ADAMTS18: variants seen among roughly 807,000 people sequenced by gnomAD.
ADAMTS18 encodes A disintegrin and metalloproteinase with thrombospondin motifs 18.
In ADAMTS18, 157 loss-of-function variants were observed where a neutral mutation model predicts 165.9. The ratio of observed to expected loss-of-function variants is 0.95; its 90% CI spans 0.83 to 1.08. ADAMTS18 has a LOEUF of 1.08. ADAMTS18 is among the 50% of genes least tolerant of loss of function. The pLI is 0.00. For synonymous variants in ADAMTS18, 782 were observed against 578.2 expected (o/e 1.35, Z -5.06); for missense variants, 2,040 against 1,534.0 (o/e 1.33, Z -5.51).
intron 16 of ADAMTS18, among the ~76,000 whole-genome samples, chr16:77,301,382 A>T (rs532496601): frequency 1.3e-5 from 2 of 152,208 alleles, no homozygotes; most frequent in Admixed American, 6.5e-5. Flanking sequence ...ACACAATGCA[A>T]TGTATCACCT....
rs150931144 is a variant in ADAMTS18, at chr16:77,285,436, G to A, written c.3551-1365C>T. ...GATCCGTCTGCCTCAGCCTCCCAAA[G>A]TGCTGGAATTACAGGTGTGAGGCAC... On this transcript the variant is annotated intron_variant, in intron 22 of 22. Transcript: ENST00000282849. Among the ~76,000 whole-genome samples the A allele has an allele frequency of 6.1e-3, 914 of 150,850 alleles. 6 individuals are homozygous for A. Among genetic ancestry groups the A allele is most frequent in the African/African-American group, 0.022 (882 of 40,302 alleles).
chr16:77,331,814 T>C (rs952854373), intron 12 of ADAMTS18, among the ~76,000 whole-genome samples: 2 of 152,190 alleles, frequency 1.3e-5, no homozygotes, highest in Non-Finnish European at 2.9e-5. Flanking sequence ...AGCTCTATTT[T>C]AGCCTGCGAT....
intron 3 of ADAMTS18, among the ~76,000 whole-genome samples, chr16:77,415,215 G>A (rs1250887942): frequency 6.6e-6 from 1 of 152,236 alleles, no homozygotes; most frequent in Non-Finnish European, 1.5e-5. Flanking sequence ...TATGCTCAAT[G>A]CGCTTATTGC....
chr16:77,404,334 T>C (rs1187030083), intron 3 of ADAMTS18, among the ~76,000 whole-genome samples: 1 of 152,142 alleles, frequency 6.6e-6, no homozygotes, highest in Non-Finnish European at 1.5e-5. Context: ...AGGATACCTT[T>C]TCAGGGTCAC....
chr16:77,328,307 A>G (rs1225211181), intron 12 of ADAMTS18, among the ~76,000 whole-genome samples: 1 of 152,134 alleles, frequency 6.6e-6, no homozygotes, highest in Non-Finnish European at 1.5e-5. Flanking sequence ...CTGAAGGCCA[A>G]AACTCAACTA....
intron 10 of ADAMTS18, among the ~76,000 whole-genome samples, chr16:77,348,153 C>T (rs2056504696): frequency 1.3e-5 from 2 of 152,212 alleles, no homozygotes; most frequent in South Asian, 4.1e-4. Context: ...ACTAATCTTG[C>T]TCAGATTATT....
chr16:77,293,414 C>T (rs1254536506), intron 19 of ADAMTS18, among the ~76,000 whole-genome samples, 156 bp from the exon 20 acceptor site: 1 of 151,766 alleles, frequency 6.6e-6, no homozygotes, highest in Non-Finnish European at 1.5e-5. Context: ...ACCCCCATTC[C>T]CATTACCCAC....
At chr16:77,385,581 A>G (rs2057095174) in intron 3 of ADAMTS18, among the ~76,000 whole-genome samples, 1 of 152,162 alleles carries the variant, frequency 6.6e-6, no homozygotes, top group Non-Finnish European at 1.5e-5. Flanking sequence ...TCTCCACCCA[A>G]CCCTGCCCTG....
At chr16:77,378,244 T>G (rs2056980038) in intron 3 of ADAMTS18, among the ~76,000 whole-genome samples, 1 of 151,732 alleles carries the variant, frequency 6.6e-6, no homozygotes, top group African/African-American at 2.4e-5. Flanking sequence ...AGAATTGCAT[T>G]AACCTAAGAG....
chr16:77,354,897 T>C (rs910224172), intron 9 of ADAMTS18, among the ~76,000 whole-genome samples: 17 of 152,220 alleles, frequency 1.1e-4, no homozygotes, highest in Non-Finnish European at 1.8e-4. Flanking sequence ...AAAATAATTT[T>C]AGTCACCAAA....
intron 10 of ADAMTS18, among the ~76,000 whole-genome samples, chr16:77,348,114 T>G (rs967161075): frequency 2.0e-5 from 3 of 152,118 alleles, no homozygotes; most frequent in Non-Finnish European, 4.4e-5. Context: ...ACCAGGGCCT[T>G]TTGTTTTCCT....
chr16:77,348,517 T>C (rs2056510103), intron 10 of ADAMTS18, among the ~76,000 whole-genome samples: 1 of 152,192 alleles, frequency 6.6e-6, no homozygotes, highest in South Asian at 2.1e-4. Flanking sequence ...GCATGCCTGC[T>C]CAGATATAGT....
At chr16:77,406,945 G>C (rs1389505345) in intron 3 of ADAMTS18, among the ~76,000 whole-genome samples, 2 of 152,062 alleles carry the variant, frequency 1.3e-5, no homozygotes, top group South Asian at 2.1e-4. Context: ...CTAGAAGGGA[G>C]AGGAAGGGAG....
At chr16:77,312,857 T>A (rs981397252) in intron 16 of ADAMTS18, among the ~76,000 whole-genome samples, 1 of 152,134 alleles carries the variant, frequency 6.6e-6, no homozygotes, top group African/African-American at 2.4e-5. Context: ...GACTGTAAAC[T>A]AGTTCAACCA....
At chr16:77,405,115 T>C (rs17688279) in intron 3 of ADAMTS18, among the ~76,000 whole-genome samples, 5,213 of 152,168 alleles carry the variant, frequency 0.034, 113 homozygotes, top group East Asian at 0.05. Context: ...AAGGGAGCAT[T>C]TGTCTTGAAG....
Position 77,341,774 on chromosome 16 carries a change from T to A in ADAMTS18, c.1640A>T (p.His547Leu), listed in dbSNP as rs765919646. Residue 547 changes from histidine to leucine, a missense_variant, in exon 11 of 23, where the codon CAC (histidine) becomes CTC (leucine). Coordinates refer to ENST00000282849, the MANE Select transcript of ADAMTS18 (RefSeq NM_199355.4). ...VKDICKSLWC[H>L]RVGHRCETKF... ...GGTCTCACACCTGTGGCCTACTCGG[T>A]GGCACCAAAGTGATTTGCAAATATC... 1.6e-5 allele frequency: 26 copies of A among 1,613,098 alleles called. No homozygotes were observed. In the Middle Eastern group the frequency reaches 4.9e-4, roughly 31 times the overall value.
chr16:77,302,711 T>A (rs2055608129), intron 16 of ADAMTS18, among the ~76,000 whole-genome samples: 1 of 152,250 alleles, frequency 6.6e-6, no homozygotes, highest in Admixed American at 6.5e-5. Context: ...CTTCTAGGAC[T>A]TATGTTCTGC....
intron 3 of ADAMTS18, among the ~76,000 whole-genome samples, chr16:77,390,457 C>T (rs545280293): frequency 6.6e-6 from 1 of 151,980 alleles, no homozygotes; most frequent in African/African-American, 2.4e-5. Flanking sequence ...TTTCGGAGGC[C>T]GAGGCGGGCA....
chr16:77,295,171 A>G (rs527691883), intron 18 of ADAMTS18, 44 bp from the exon 19 acceptor site: 3 of 1,606,426 alleles, frequency 1.9e-6, no homozygotes, highest in South Asian at 2.2e-5. Flanking sequence ...CAAACTTTGT[A>G]TGATAACTTC....
Sources: gnomAD v4.1 joint callset for allele counts (sites outside exome capture counted in the v4.1 genomes callset) on GRCh38, gnomAD v4.1.1 for gene constraint, MANE v1.5 for transcripts, NCBI Gene and HGNC (gene_info 2026-07-23, HGNC 2026-07-21) for gene names.